SLC15A1: variants seen among roughly 807,000 people sequenced by gnomAD.
SLC15A1 encodes Caco-2 oligopeptide transporter.
In SLC15A1, 83 loss-of-function variants were observed where a neutral mutation model predicts 92.9. The ratio of observed to expected loss-of-function variants is 0.89; its 90% CI spans 0.75 to 1.07. The LOEUF (loss-of-function observed/expected upper bound fraction) is 1.07. SLC15A1 is among the 50% of genes least tolerant of loss of function. The pLI, the probability that SLC15A1 is intolerant of heterozygous loss-of-function variation, is 0.00. For missense variants in SLC15A1, 857 were observed against 880.1 expected (o/e 0.97, Z 0.33); for synonymous variants, 322 against 318.2 (o/e 1.01, Z -0.13).
At chr13:98,737,396 G>C (rs1005206970) in intron 1 of SLC15A1, among the ~76,000 whole-genome samples, 1 of 152,186 alleles carries the variant, frequency 6.6e-6, no homozygotes, top group African/African-American at 2.4e-5. Flanking sequence ...TAATGTAAAT[G>C]ACGGGTTAAT....
At chr13:98,736,459 A>T (rs1194754039) in intron 1 of SLC15A1, among the ~76,000 whole-genome samples, 2 of 152,230 alleles carry the variant, frequency 1.3e-5, no homozygotes, top group Non-Finnish European at 2.9e-5. Context: ...AAACACCAAA[A>T]GCAATGACAA....
intron 2 of SLC15A1, 119 bp downstream of exon 2, chr13:98,726,724 G>A: frequency 1.9e-6 from 2 of 1,042,498 alleles, no homozygotes; most frequent in Admixed American, 1.8e-5. Flanking sequence ...GGAAATCCGG[G>A]ATCATACCCT....
chr13:98,687,339 G>A (rs947017351), intron 21 of SLC15A1, among the ~76,000 whole-genome samples: 1 of 152,108 alleles, frequency 6.6e-6, no homozygotes, highest in Non-Finnish European at 1.5e-5. Context: ...AATGTCTAGG[G>A]TATGACTGTG....
rs1566454416 is a variant in SLC15A1 at position 98,726,129 on chromosome 13, T to A, written c.239A>T (p.Lys80Met). The part of the protein sequence containing the change: ...GALIADSWLG[K>M]FKTIVSLSIV... ...GAAATTTCCAGCCACTCACTTGAAC[T>A]TTCCCAGCCACGAGTCGGCGATAAG... The change falls in exon 4 of 23, where the codon AAG (lysine) becomes ATG (methionine). Residue 80 changes from lysine (K) to methionine (M), a missense_variant. Transcript: ENST00000376503. 8.7e-6 allele frequency: 14 copies of A among 1,613,882 alleles called. No homozygotes were observed. The highest frequency in any genetic ancestry group is 1.1e-5 in the Non-Finnish European group (13 of 1,179,910).
chr13:98,729,665 G>A (rs1301862101), intron 1 of SLC15A1, among the ~76,000 whole-genome samples: 1 of 152,108 alleles, frequency 6.6e-6, no homozygotes, highest in East Asian at 1.9e-4. Flanking sequence ...TTTCCCTCTG[G>A]GGCCCTTCCT....
At chr13:98,730,414 T>A (rs1363919841) in intron 1 of SLC15A1, among the ~76,000 whole-genome samples, 1 of 152,140 alleles carries the variant, frequency 6.6e-6, no homozygotes, top group Non-Finnish European at 1.5e-5. Context: ...TGGACAGAGA[T>A]TCCTCCGCAC....
intron 1 of SLC15A1, among the ~76,000 whole-genome samples, chr13:98,735,710 G>C (rs1286318244): frequency 6.6e-6 from 1 of 152,068 alleles, no homozygotes; most frequent in African/African-American, 2.4e-5. Context: ...GACAAACAGA[G>C]AGCCAAATCA....
In SLC15A1 at chr13:98,704,329, C is replaced by T. The variant is rs771067175; in HGVS notation, c.1376G>A (p.Arg459His). ...AVTDDFKQGQRHTLLVWAPNH... is the reference protein window; with the variant it reads ...AVTDDFKQGQHHTLLVWAPNH... Reference sequence around the variant, plus strand: ...GGGGGCCCACACTAGAAGCGTGTGGCGTTGGCCCTGCTTGAAGTCGTCAGT... The same window carrying T: ...GGGGGCCCACACTAGAAGCGTGTGGTGTTGGCCCTGCTTGAAGTCGTCAGT... The change falls in exon 17 of 23, where the codon CGC becomes CAC. Residue 459 changes from arginine to histidine, a missense_variant. By Grantham distance (29) the Arg-to-His change is conservative (BLOSUM62 0). Transcript: ENST00000376503. 5.0e-6 allele frequency: 8 copies of T among 1,613,500 alleles called. No individual in the cohort carries two copies. Among genetic ancestry groups the T allele is most frequent in the African/African-American group, 1.3e-5 (1 of 74,852 alleles).
rs189034371 is a variant in SLC15A1 at position 98,693,048 on chromosome 13, A to G, written c.1467-4471T>C. On this transcript the variant is annotated intron_variant, in intron 18 of 22. Coordinates refer to ENST00000376503, the MANE Select transcript of SLC15A1 (RefSeq NM_005073.4). ...GCCACCATGCCCAGCCAAGGGGTCC[A>G]GTTTACCCGCATCCTTAACAACACT... Among the ~76,000 whole-genome samples the G allele has an allele frequency of 7.0e-5, 10 of 143,034 alleles. No homozygotes were observed. In the East Asian group the frequency reaches 2.1e-3, roughly 30 times the overall value. The allele number at this position is 143,034 out of a possible 152,430, so 93.8% of individuals were successfully genotyped here.
At position 98,719,313 on chromosome 13, in the gene SLC15A1, T is replaced by C. The variant is rs766224968; in HGVS notation, c.564A>G (p.Gln188=). The C allele has an allele frequency of 4.3e-6, 7 of 1,612,510 alleles. No homozygotes were observed. Among genetic ancestry groups the C allele is most frequent in the Non-Finnish European group, 5.9e-6 (7 of 1,178,742 alleles). The change falls in exon 8 of 23, where the codon CAA becomes CAG. Residue 188 remains glutamine (Q), a synonymous_variant. Transcript: ENST00000376503. ...TIITPMLRVQ[Q]CGIHSKQACY... ...AAGCTTGTTTACTGTGAATTCCACA[T>C]TGTTGAACTGGGGAGAAATGACAAG...
chr13:98,731,348 C>A (rs2088349070), intron 1 of SLC15A1, among the ~76,000 whole-genome samples: 1 of 152,220 alleles, frequency 6.6e-6, no homozygotes, highest in African/African-American at 2.4e-5. Context: ...GTGTGTTTTG[C>A]AAGCTCGGTG....
chr13:98,749,562 G>A (rs563610341), intron 1 of SLC15A1, among the ~76,000 whole-genome samples: 2 of 152,252 alleles, frequency 1.3e-5, no homozygotes, highest in East Asian at 1.9e-4. Context: ...ATGATCCTAC[G>A]AAGGCTTCGG....
In SLC15A1 at chr13:98,688,165, C is replaced by T. The variant is rs146832124; in HGVS notation, c.1683+83G>A. Reference sequence around the variant, plus strand: ...GATCCTAATATCACTCTAGTTAAATCATATTATGTCCTAAGTGTTTGTGAG... The same window carrying T: ...GATCCTAATATCACTCTAGTTAAATTATATTATGTCCTAAGTGTTTGTGAG... On this transcript the variant is annotated intron_variant, in intron 20 of 22. Transcript: ENST00000376503. 6,056 of 898,502 alleles carry T rather than the reference C, an allele frequency of 6.7e-3. 33 individuals carry two copies. The highest frequency in any genetic ancestry group is 8.6e-3 in the Non-Finnish European group (4,921 of 569,702). 55.7% of individuals were successfully genotyped at this position (898,502 alleles called of 1,614,324 possible).
At chr13:98,718,300 CTTTTTTTTTTTTTTTTTTTTTTTTTT>C (rs532286337) in intron 8 of SLC15A1, among the ~76,000 whole-genome samples, 1 of 84,128 alleles carries the variant, frequency 1.2e-5, no homozygotes, top group East Asian at 6.9e-4. Flanking sequence ...TCACCTTCAT[CTTTTTTTTTTTTTTTTTTTTTTTTTT>C]TTTTTTTTTT....
rs1566453080 is a variant in SLC15A1 at position 98,721,840 on chromosome 13, C to T, written c.429G>A (p.Val143=). 1.9e-6 allele frequency: 3 copies of T among 1,614,180 alleles called. No homozygotes were observed. Among genetic ancestry groups the T allele is most frequent in the East Asian group, 2.2e-5 (1 of 44,876 alleles). Residue 143 remains valine, a synonymous_variant, in exon 6 of 23, where the codon GTG becomes GTA. Transcript: ENST00000376503. ...ALGTGGIKPC[V]SAFGGDQFEE... Reference sequence around the variant, plus strand: ...CAAACTGATCTCCACCAAACGCAGACACACAGGGTTTGATTCCTCCAGTCC... The same window carrying T: ...CAAACTGATCTCCACCAAACGCAGATACACAGGGTTTGATTCCTCCAGTCC...
At chr13:98,727,617 C>T (rs189314847) in intron 1 of SLC15A1, among the ~76,000 whole-genome samples, 1 of 152,188 alleles carries the variant, frequency 6.6e-6, no homozygotes, top group Non-Finnish European at 1.5e-5. Context: ...CATGTGCATC[C>T]TAGGAGCGCC....
chr13:98,725,983 G>C, intron 4 of SLC15A1, 140 bp downstream of exon 4: 1 of 1,093,558 alleles, frequency 9.1e-7, no homozygotes, highest in Non-Finnish European at 1.3e-6. Context: ...TGGGATTACA[G>C]GTATGAACCA....
At chr13:98,699,127 C>T (rs146086567) in intron 18 of SLC15A1, among the ~76,000 whole-genome samples, 1 of 152,346 alleles carries the variant, frequency 6.6e-6, no homozygotes, top group East Asian at 1.9e-4. Context: ...ACGCCAATCA[C>T]TAATGTGTTC....
At chr13:98,744,353 T>A (rs1242776359) in intron 1 of SLC15A1, among the ~76,000 whole-genome samples, 1 of 151,878 alleles carries the variant, frequency 6.6e-6, no homozygotes, top group African/African-American at 2.4e-5. Flanking sequence ...TTTTTTTTTT[T>A]TAATGGTAAA....
Sources: gnomAD v4.1 joint callset for allele counts (sites outside exome capture counted in the v4.1 genomes callset) on GRCh38, gnomAD v4.1.1 for gene constraint, MANE v1.5 for transcripts, NCBI Gene and HGNC (gene_info 2026-07-23, HGNC 2026-07-21) for gene names.